PDE10A: variants seen among roughly 807,000 people sequenced by gnomAD.
PDE10A encodes the protein cAMP and cAMP-inhibited cGMP 3',5'-cyclic phosphodiesterase 10A.
In PDE10A, 39 loss-of-function variants were observed where a neutral mutation model predicts 97.7. The ratio of observed to expected loss-of-function variants is 0.40; its 90% CI spans 0.31 to 0.52. The LOEUF is 0.52. PDE10A is among the 20% of genes least tolerant of loss of function. The probability of loss-of-function intolerance (pLI) is 0.56; values close to 1 mark genes in which losing one functional copy is unlikely to be tolerated. For missense variants in PDE10A, 731 were observed against 1,047.8 expected (o/e 0.70, Z 4.17); for synonymous variants, 371 against 376.8 (o/e 0.98, Z 0.18).
rs1395343456 is a variant in PDE10A, at chr6:165,381,502, T to C, written c.2611-2136A>G. ...TCCCTTTTCTTTCTTTGAGACAGAG[T>C]CTCGCTCTGTCACCAGGCTGGAGTG... On this transcript the variant is annotated intron_variant, in intron 17 of 21. Transcript: ENST00000539869. Among the ~76,000 whole-genome samples, 6 of 151,964 alleles carry C rather than the reference T, an allele frequency of 3.9e-5. No homozygotes were observed. The East Asian group carries it at 1.2e-3, about 29-fold the overall frequency.
intron 1 of PDE10A, among the ~76,000 whole-genome samples, chr6:165,723,084 G>T (rs1792206444): frequency 6.6e-6 from 1 of 152,110 alleles, no homozygotes; most frequent in Non-Finnish European, 1.5e-5. Flanking sequence ...GAATGCCTAT[G>T]CCTCGCTTGC....
intron 1 of PDE10A, among the ~76,000 whole-genome samples, chr6:165,590,500 C>T (rs886496070): frequency 6.6e-6 from 1 of 152,186 alleles, no homozygotes; most frequent in Non-Finnish European, 1.5e-5. Flanking sequence ...CAACAAACAC[C>T]TTTTGAGTGC....
rs534744660 is a variant in PDE10A, at chr6:165,392,512, GCTA to G, written c.2454+131_2454+133del. The G allele has an allele frequency of 3.7e-4, 251 of 674,172 alleles. 4 individuals are homozygous for G. In the South Asian group the frequency reaches 4.8e-3, roughly 13 times the overall value. 41.8% of individuals were successfully genotyped at this position (674,172 alleles called of 1,614,324 possible). On this transcript the variant is annotated intron_variant, in intron 16 of 21. Coordinates refer to ENST00000539869, the MANE Select transcript of PDE10A (RefSeq NM_001385079.1). ...TTTGGGTACAAGAGTCTAAAAATGG[GCTA>G]CTATTGATTTATTAAGCCAAAATTT...
chr6:165,711,171 G>A lies in PDE10A; in HGVS notation c.-614-167603C>T, dbSNP rs942268040. ...GCGGCTGGCTGGAGAGAACAACAGG[G>A]ATATGACGTTAGCAGTAAGTTCTAC... is the stretch of plus-strand genomic sequence containing the variant. On this transcript the variant is annotated intron_variant, in intron 1 of 19. Coordinates refer to the PDE10A transcript ENST00000366882. This position sits in a 1 kb window ranked among gnomAD's most constrained non-coding sequence, Gnocchi z 4.5. 1.3e-5 allele frequency among the ~76,000 whole-genome samples: 2 copies of A among 152,234 alleles called. No individual in the cohort carries two copies. Among genetic ancestry groups the A allele is most frequent in the Non-Finnish European group, 2.9e-5 (2 of 68,044 alleles).
intron 2 of PDE10A, among the ~76,000 whole-genome samples, chr6:165,532,948 C>T (rs897844527): frequency 5.9e-5 from 9 of 152,116 alleles, no homozygotes; most frequent in Non-Finnish European, 8.8e-5. Flanking sequence ...AGGTCAGTAG[C>T]ACAAGAAATA....
intron 1 of PDE10A, among the ~76,000 whole-genome samples, chr6:165,684,393 C>A (rs144701903): frequency 6.6e-6 from 1 of 152,302 alleles, no homozygotes; most frequent in Non-Finnish European, 1.5e-5. Context: ...AATATTTGTT[C>A]ATCGAATAAG....
intron 1 of PDE10A, among the ~76,000 whole-genome samples, chr6:165,724,120 A>C (rs754941829): frequency 6.6e-6 from 1 of 152,232 alleles, no homozygotes; most frequent in Non-Finnish European, 1.5e-5. Flanking sequence ...TTGTGTGCAC[A>C]GACAGGGCAC....
At chr6:165,571,031 A>C (rs1785026168) in intron 1 of PDE10A, among the ~76,000 whole-genome samples, 1 of 152,246 alleles carries the variant, frequency 6.6e-6, no homozygotes, top group African/African-American at 2.4e-5. Flanking sequence ...TTCAAAAATA[A>C]TGAGAATCAA....
At chr6:165,413,200 T>G (rs1013177484) in intron 13 of PDE10A, among the ~76,000 whole-genome samples, 3 of 152,206 alleles carry the variant, frequency 2.0e-5, no homozygotes, top group African/African-American at 7.2e-5. Flanking sequence ...TCTTTCTTCA[T>G]TTCAGTAGAT....
At chr6:165,565,640 CA>C (rs1554287386) in intron 1 of PDE10A, among the ~76,000 whole-genome samples, 2 of 151,992 alleles carry the variant, frequency 1.3e-5, no homozygotes, top group Non-Finnish European at 2.9e-5. Flanking sequence ...TGTAAGAGAA[CA>C]ACAAAGTTCG....
At chr6:165,485,822 G>A (rs1376653334) in intron 2 of PDE10A, among the ~76,000 whole-genome samples, 2 of 152,112 alleles carry the variant, frequency 1.3e-5, no homozygotes, top group Admixed American at 1.3e-4. Context: ...TCGAACTCCT[G>A]ACTTCAGATG....
At chr6:165,495,446 C>G (rs1179007626) in intron 2 of PDE10A, among the ~76,000 whole-genome samples, 1 of 152,048 alleles carries the variant, frequency 6.6e-6, no homozygotes, top group African/African-American at 2.4e-5. Context: ...AATTAATCAG[C>G]CAACCTTGAA....
At chr6:165,371,030 A>G (rs1196704386) in intron 18 of PDE10A, among the ~76,000 whole-genome samples, 1 of 141,324 alleles carries the variant, frequency 7.1e-6, no homozygotes, top group Non-Finnish European at 1.5e-5. Flanking sequence ...TCTGAAACCA[A>G]TGAGAACAAA....
intron 1 of PDE10A, among the ~76,000 whole-genome samples, chr6:165,935,024 C>T (rs914437300): frequency 9.9e-5 from 15 of 152,142 alleles, no homozygotes; most frequent in African/African-American, 1.2e-4. Context: ...CATGAAGTTA[C>T]AAAGAATGTA....
intron 15 of PDE10A, 92 bp downstream of exon 15, chr6:165,395,089 C>A: frequency 1.4e-6 from 1 of 711,748 alleles, no homozygotes; most frequent in Non-Finnish European, 2.4e-6. Context: ...AAAATAATTA[C>A]AAACAAAGAT....
At chr6:165,643,357 C>T (rs555682330) in intron 1 of PDE10A, among the ~76,000 whole-genome samples, 144 of 152,148 alleles carry the variant, frequency 9.5e-4, no homozygotes, top group African/African-American at 3.4e-3. Context: ...GGTTTGCTGA[C>T]TTAGTGAAAT....
At chr6:165,547,168 T>G in intron 1 of PDE10A, among the ~76,000 whole-genome samples, 1 of 152,166 alleles carries the variant, frequency 6.6e-6, no homozygotes, top group Admixed American at 6.5e-5. Context: ...TTTTAAAATA[T>G]ATCATTCCTG....
intron 2 of PDE10A, among the ~76,000 whole-genome samples, chr6:165,542,672 G>T (rs974176474): frequency 7.5e-6 from 1 of 133,962 alleles, no homozygotes; most frequent in Non-Finnish European, 1.5e-5. Flanking sequence ...AGGCTGGAGT[G>T]CAGTGGCGCG....
intron 1 of PDE10A, among the ~76,000 whole-genome samples, chr6:165,806,341 C>G (rs982262529): frequency 1.3e-5 from 2 of 152,206 alleles, no homozygotes; most frequent in Non-Finnish European, 2.9e-5. Context: ...TCCGCGTTCT[C>G]CATCATGTAG....
Sources: gnomAD v4.1 joint callset for allele counts (sites outside exome capture counted in the v4.1 genomes callset) on GRCh38, gnomAD v4.1.1 for gene constraint, Gnocchi (gnomAD v3.1) non-coding constraint, MANE v1.5 for transcripts, NCBI Gene and HGNC (gene_info 2026-07-23, HGNC 2026-07-21) for gene names.